The following KIF1B variants were observed in gnomAD, a reference collection of about 807,000 sequenced individuals.
KIF1B encodes the protein kinesin-like protein KIF1B.
In KIF1B, 76 loss-of-function variants were observed where a neutral mutation model predicts 241.9. The ratio of observed to expected loss-of-function variants is 0.31; its 90% CI spans 0.26 to 0.38. The LOEUF (loss-of-function observed/expected upper bound fraction) is 0.38. Among genes scored for constraint, KIF1B ranks in the 10% least tolerant of loss-of-function variants. KIF1B has a pLI of 1.00. For synonymous variants in KIF1B, 750 were observed against 796.7 expected (o/e 0.94, Z 0.99); for missense variants, 1,622 against 2,271.4 (o/e 0.71, Z 5.81).
intron 22 of KIF1B, chr1:10,305,599 A>G: frequency 5.7e-6 from 6 of 1,058,188 alleles, no homozygotes; most frequent in Non-Finnish European, 6.9e-6. Flanking sequence ...TAGTGAAATA[A>G]AAGTTAACTT....
chr1:10,355,283 C>T (rs911140920), intron 38 of KIF1B: 7 of 152,408 alleles, frequency 4.6e-5, no homozygotes, highest in African/African-American at 1.7e-4. Flanking sequence ...ATTTTGTCTT[C>T]TTTATATATA....
In KIF1B at chr1:10,377,627, T is replaced by C. The variant is rs1474177103; in HGVS notation, c.*1040T>C. The C allele has an allele frequency of 9.6e-6, 2 of 207,644 alleles. No individual in the cohort carries two copies. The highest frequency in any genetic ancestry group is 2.0e-5 in the Non-Finnish European group (2 of 102,048). The allele number at this position is 207,644 out of a possible 1,614,324, so 12.9% of individuals were successfully genotyped here. Reference sequence around the variant, plus strand: ...CACTTTCTGGTGATAAACTTGATGGTCATTGTTATGATTAAGATAATGCCG... The same window carrying C: ...CACTTTCTGGTGATAAACTTGATGGCCATTGTTATGATTAAGATAATGCCG... On this transcript the variant is annotated 3_prime_UTR_variant, in exon 49 of 49. Transcript: ENST00000676179.
chr1:10,304,614 C>G (rs1650732394), intron 22 of KIF1B: 2 of 1,614,032 alleles, frequency 1.2e-6, no homozygotes, highest in Non-Finnish European at 1.7e-6. Context: ...TCTCAGCACC[C>G]AATCTCAAAG....
At chr1:10,313,660 C>T (rs1324849758) in intron 22 of KIF1B, among the ~76,000 whole-genome samples, 1 of 148,554 alleles carries the variant, frequency 6.7e-6, no homozygotes, top group Non-Finnish European at 1.5e-5. Flanking sequence ...ACACCATTCT[C>T]CTGCCTCAGG....
chr1:10,304,938 C>T, intron 22 of KIF1B: 4 of 1,232,662 alleles, frequency 3.2e-6, no homozygotes, highest in Non-Finnish European at 4.1e-6. Flanking sequence ...ACAGACTTGT[C>T]CCATCTTGAT....
At chr1:10,376,473 A>C (rs371140127) in intron 48 of KIF1B, 72 bp from the exon 49 acceptor site, 110 of 1,465,118 alleles carry the variant, frequency 7.5e-5, no homozygotes, top group Non-Finnish European at 1.0e-4. Context: ...GGAGCCTCAG[A>C]GGGAGAGGAC....
At chr1:10,238,381 C>CAAAAAAAAAAAAAA (rs755794359) in intron 2 of KIF1B, among the ~76,000 whole-genome samples, 1 of 87,136 alleles carries the variant, frequency 1.1e-5, no homozygotes. Context: ...AACTTTGTCT[C>CAAAAAAAAAAAAAA]AAAAAAAAAA....
Position 10,268,201 on chromosome 1 carries a change from G to A in KIF1B, c.658G>A (p.Val220Met). 2 of 1,614,108 alleles carry A rather than the reference G, an allele frequency of 1.2e-6. No individual in the cohort carries two copies. Among genetic ancestry groups the A allele is most frequent in the Non-Finnish European group, 1.7e-6 (2 of 1,179,974 alleles). ...MNETSSRSHA[V>M]FTIVFTQKKH... ...TGAAACAAGTAGCCGTTCCCACGCT[G>A]TGTTTACGATTGTTTTCACCCAGAA... Residue 220 changes from valine to methionine, a missense_variant, in exon 7 of 49, where the codon GTG (valine) becomes ATG (methionine). By Grantham distance (21) the Val-to-Met change is conservative. Around this residue, in one of 7 missense-constraint regions of KIF1B, gnomAD observed 201 missense variants for 301.2 expected, o/e 0.67. Transcript: ENST00000676179.
intron 1 of KIF1B, among the ~76,000 whole-genome samples, chr1:10,212,933 C>CAT (rs1253764777): frequency 3.0e-4 from 23 of 77,350 alleles, no homozygotes; most frequent in Non-Finnish European, 4.3e-4. Context: ...TATATATATA[C>CAT]ACACACACAT....
intron 14 of KIF1B, among the ~76,000 whole-genome samples, chr1:10,280,743 CCTT>C (rs1649369509): frequency 1.3e-5 from 2 of 152,292 alleles, no homozygotes; most frequent in South Asian, 2.1e-4. Context: ...GGAAAAGGTG[CCTT>C]CTTCTTTTTG....
intron 2 of KIF1B, among the ~76,000 whole-genome samples, chr1:10,256,012 T>C (rs1357251809): frequency 6.6e-6 from 1 of 151,760 alleles, no homozygotes; most frequent in Non-Finnish European, 1.5e-5. Flanking sequence ...TTTCACCATG[T>C]TGCCCAGGGT....
rs1638981470 is a variant in KIF1B at position 10,379,974 on chromosome 1, A to C, written c.*3387A>C. On this transcript the variant is annotated 3_prime_UTR_variant, in exon 49 of 49. Transcript: ENST00000676179. ...CAAGGGGCAATGGAGTGAGTTTCCCAACTAAGAAACCACTATTATATATTT... is the reference window on the plus strand; with the variant it reads ...CAAGGGGCAATGGAGTGAGTTTCCCCACTAAGAAACCACTATTATATATTT... The C allele has an allele frequency of 4.4e-6, 1 of 229,618 alleles. No individual in the cohort carries two copies. Among genetic ancestry groups the C allele is most frequent in the African/African-American group, 2.2e-5 (1 of 45,200 alleles). 14.2% of individuals were successfully genotyped at this position (229,618 alleles called of 1,614,324 possible).
intron 9 of KIF1B, chr1:10,272,590 C>T (rs2102214903): frequency 2.0e-6 from 1 of 511,314 alleles, no homozygotes; most frequent in African/African-American, 1.9e-5. Flanking sequence ...ATGTTTCTCA[C>T]AAAAACCAAG....
At chr1:10,313,030 A>C (rs1438441294) in intron 22 of KIF1B, among the ~76,000 whole-genome samples, 1 of 151,436 alleles carries the variant, frequency 6.6e-6, no homozygotes, top group East Asian at 1.9e-4. Flanking sequence ...CATGAGGCTA[A>C]CTATATAGTA....
chr1:10,278,957 C>T (rs1049373395), intron 13 of KIF1B, 140 bp from the exon 14 acceptor site: 5 of 528,626 alleles, frequency 9.5e-6, no homozygotes, highest in East Asian at 2.9e-5. Flanking sequence ...AGATGAATAC[C>T]GTTTGTAAAA....
At position 10,303,412 on chromosome 1, in the gene KIF1B, A is replaced by G. The variant is rs1414666792; in HGVS notation, c.2115+6166A>G. 8.7e-6 allele frequency: 14 copies of G among 1,614,064 alleles called. No individual in the cohort carries two copies. Among genetic ancestry groups the G allele is most frequent in the Non-Finnish European group, 1.2e-5 (14 of 1,180,048 alleles). On this transcript the variant is annotated intron_variant, in intron 22 of 48. Transcript: ENST00000676179. The surrounding 1 kb of genome is among the most constrained non-coding windows in gnomAD (Gnocchi z 5.2). ...TCTTAAAATTCAGGCTGTCAAAGAG[A>G]TTTGCTATGAGGTTGCTCTCAATGA...
chr1:10,355,095 ACCACTGAAAGGGGTACTGATGGTGGTGGT>A, intron 38 of KIF1B, among the ~76,000 whole-genome samples: 1 of 152,134 alleles, frequency 6.6e-6, no homozygotes, highest in Non-Finnish European at 1.5e-5. Context: ...ATACTAAGTC[ACCACTGAAAGGGGTACTGATGGTGGTGGT>A]CTCCACTTTC....
intron 37 of KIF1B, 132 bp downstream of exon 37, chr1:10,348,865 T>A: frequency 2.8e-6 from 2 of 726,236 alleles, no homozygotes; most frequent in South Asian, 3.0e-5. Context: ...AGCCTCAAAC[T>A]CCTGGGCTCA....
At chr1:10,259,491 T>TA (rs5772403) in intron 4 of KIF1B, among the ~76,000 whole-genome samples, 18,185 of 138,154 alleles carry the variant, frequency 0.13, 1,337 homozygotes, top group South Asian at 0.17. Flanking sequence ...ATTTTTAAAT[T>TA]AAAAAAAAAA....
Sources: gnomAD v4.1 joint callset for allele counts (sites outside exome capture counted in the v4.1 genomes callset) on GRCh38, gnomAD v4.1.1 for gene constraint, gnomAD v4.1.1 regional missense constraint, Gnocchi (gnomAD v3.1) non-coding constraint, MANE v1.5 for transcripts, NCBI Gene and HGNC (gene_info 2026-07-23, HGNC 2026-07-21) for gene names.